The following REST variants were observed in gnomAD, a reference collection of about 807,000 sequenced individuals.
REST encodes the protein RE1 silencing transcription factor, also known as RE1-silencing transcription factor.
REST carries 1 observed loss-of-function variant against 30.4 expected under a neutral mutation model. The observed-to-expected ratio is 0.03, with a 90% CI of 0.01 to 0.16. The LOEUF (loss-of-function observed/expected upper bound fraction) is 0.16, where lower values mean the gene tolerates loss of function less well. Ranked by LOEUF, REST falls within the 10% of genes least tolerant of loss-of-function variation. REST has a pLI of 1.00. For synonymous variants in REST, 504 were observed against 451.1 expected (o/e 1.12, Z -1.49); for missense variants, 1,259 against 1,329.5 (o/e 0.95, Z 0.82).
At chr4:56,927,509 C>G (rs571430669) in intron 3 of REST, 1 of 310,396 alleles carries the variant, frequency 3.2e-6, no homozygotes, top group Non-Finnish European at 4.9e-6. Context: ...CTGAGTTTTG[C>G]TTTATGAAAA....
At position 56,931,139 on chromosome 4, in the gene REST, G is replaced by T. The variant is rs1042548096; in HGVS notation, c.2281G>T (p.Val761Phe). Residue 761 changes from valine (V) to phenylalanine (F), a missense_variant, in exon 4 of 4, where the codon GTT becomes TTT. Physicochemically the swap from Val to Phe is conservative, Grantham distance 50. Coordinates refer to ENST00000309042, the MANE Select transcript of REST (RefSeq NM_005612.5). ...PPMEVVQKEP[V>F]KIELSPPIEV... ...CATGGAGGTGGTCCAGAAGGAACCT[G>T]TTAAGATAGAGCTGTCTCCTCCCAT... The T allele has an allele frequency of 5.6e-6, 9 of 1,604,612 alleles. No individual in the cohort carries two copies. The highest frequency in any genetic ancestry group is 7.7e-6 in the Non-Finnish European group (9 of 1,173,104).
At chr4:56,915,554 A>G (rs1398918747) in intron 2 of REST, among the ~76,000 whole-genome samples, 1 of 152,120 alleles carries the variant, frequency 6.6e-6, no homozygotes, top group Non-Finnish European at 1.5e-5. Context: ...GGCCTTTATT[A>G]CATTTTAAAA....
rs1382268615 is a variant in REST, at chr4:56,931,103, C to T, written c.2245C>T (p.Leu749=). The T allele has an allele frequency of 6.3e-7, 1 of 1,595,038 alleles. No individual in the cohort carries two copies. Among genetic ancestry groups the T allele is most frequent in the African/African-American group, 1.3e-5 (1 of 74,212 alleles). ...CCAGAAGGAGCCTGTTCAGATAGAG[C>T]TGTCTCCTCCCATGGAGGTGGTCCA... ...VVQKEPVQIE[L]SPPMEVVQKE... The change falls in exon 4 of 4, where the codon CTG becomes TTG. Residue 749 remains leucine (L), a synonymous_variant. Coordinates refer to ENST00000309042, the MANE Select transcript of REST (RefSeq NM_005612.5).
At chr4:56,913,335 T>A (rs1385212583) in intron 2 of REST, among the ~76,000 whole-genome samples, 1 of 152,186 alleles carries the variant, frequency 6.6e-6, no homozygotes, top group African/African-American at 2.4e-5. Flanking sequence ...TTTTTAAAAT[T>A]TAAATTGGGT....
In REST at chr4:56,935,166, C is replaced by T. The variant is rs553117287; in HGVS notation, c.*3014C>T. 31 of 152,072 alleles carry T rather than the reference C, an allele frequency of 2.0e-4. No individual in the cohort carries two copies. The highest frequency in any genetic ancestry group is 1.4e-3 in the Admixed American group (21 of 15,268). 9.4% of individuals were successfully genotyped at this position (152,072 alleles called of 1,614,324 possible). A position where few individuals can be genotyped will look rare whatever the true frequency, so the allele number is the denominator to read the frequency against. Reference sequence around the variant, plus strand: ...TATGAGTGCTGATACAAATTAAAACCCAAGTAGACCTCATTGCATGTCACC... The same window carrying T: ...TATGAGTGCTGATACAAATTAAAACTCAAGTAGACCTCATTGCATGTCACC... On this transcript the variant is annotated 3_prime_UTR_variant, in exon 4 of 4. Transcript: ENST00000309042.
In REST at chr4:56,932,200, A is replaced by C; in HGVS notation, c.*48A>C. 1 of 1,520,566 alleles carries C rather than the reference A, an allele frequency of 6.6e-7. No homozygotes were observed. Among genetic ancestry groups the C allele is most frequent in the Non-Finnish European group, 8.8e-7 (1 of 1,133,624 alleles). The allele number at this position is 1,520,566 out of a possible 1,614,324, so 94.2% of individuals were successfully genotyped here. On this transcript the variant is annotated 3_prime_UTR_variant, in exon 4 of 4. Coordinates refer to ENST00000309042, the MANE Select transcript of REST (RefSeq NM_005612.5). ...GTTCTTAGTTTGTAAGGTATATTAC[A>C]TTTTATATTCATTTATGATAGCAGA...
At chr4:56,922,627 A>G (rs1187150556) in intron 3 of REST, among the ~76,000 whole-genome samples, 1 of 152,164 alleles carries the variant, frequency 6.6e-6, no homozygotes, top group Non-Finnish European at 1.5e-5. Context: ...GCTTTATATT[A>G]GTTAACTAGT....
In REST at chr4:56,911,469, A is replaced by T. The variant is rs1719907057; in HGVS notation, c.831A>T (p.Thr277=). 4 of 1,613,974 alleles carry T rather than the reference A, an allele frequency of 2.5e-6. No homozygotes were observed. In the African/African-American group the frequency reaches 4.0e-5, roughly 16 times the overall value. ...LRNHFPRKVY[T]CGKCNYFSDR... ...ACCATTTTCCAAGGAAAGTATACAC[A>T]TGTGGAAAATGCAACTATTTTTCAG... Residue 277 remains threonine (T), a synonymous_variant, in exon 2 of 4, where the codon ACA becomes ACT. Coordinates refer to ENST00000309042, the MANE Select transcript of REST (RefSeq NM_005612.5).
chr4:56,929,294 C>T (rs1720857710), intron 3 of REST, among the ~76,000 whole-genome samples: 2 of 152,076 alleles, frequency 1.3e-5, no homozygotes, highest in African/African-American at 4.8e-5. Flanking sequence ...TGGTTTCAAA[C>T]TCCTGGCCTC....
chr4:56,920,631 G>A (rs11736192), intron 3 of REST, among the ~76,000 whole-genome samples: 13,984 of 151,738 alleles, frequency 0.092, 996 homozygotes, highest in East Asian at 0.22. Flanking sequence ...GCGTGGTGGC[G>A]CATGCCTGTA....
At chr4:56,925,652 A>G (rs1204095083) in intron 3 of REST, among the ~76,000 whole-genome samples, 2 of 152,216 alleles carry the variant, frequency 1.3e-5, no homozygotes, top group African/African-American at 4.8e-5. Context: ...AGAACCTGTT[A>G]CTAGAATTGG....
At chr4:56,928,582 ATT>A (rs879452861) in intron 3 of REST, among the ~76,000 whole-genome samples, 2 of 139,964 alleles carry the variant, frequency 1.4e-5, no homozygotes, top group African/African-American at 2.6e-5. Flanking sequence ...TGCCTGGCTA[ATT>A]TTTTTTTTTT....
chr4:56,923,282 T>C (rs898541249), intron 3 of REST, among the ~76,000 whole-genome samples: 5 of 152,184 alleles, frequency 3.3e-5, no homozygotes, highest in African/African-American at 1.2e-4. Flanking sequence ...TTGTTGTTGT[T>C]GTTTTTGGAG....
In REST at chr4:56,932,364, A is replaced by G. The variant is rs1721006407; in HGVS notation, c.*212A>G. 5.8e-6 allele frequency: 3 copies of G among 513,872 alleles called. No individual in the cohort carries two copies. Among genetic ancestry groups the G allele is most frequent in the African/African-American group, 5.8e-5 (3 of 51,826 alleles). The allele number at this position is 513,872 out of a possible 1,614,324, so 31.8% of individuals were successfully genotyped here. A position where few individuals can be genotyped will look rare whatever the true frequency, so the allele number is the denominator to read the frequency against. On this transcript the variant is annotated 3_prime_UTR_variant, in exon 4 of 4. Transcript: ENST00000309042. ...AAGAGAGTGTACTAAACCAGCAGGT[A>G]TCTGTTAGCTTATGTGTTTAATTGA...
intron 3 of REST, among the ~76,000 whole-genome samples, chr4:56,923,753 T>G (rs1295488699): frequency 1.3e-5 from 2 of 150,458 alleles, no homozygotes; most frequent in East Asian, 3.9e-4. Flanking sequence ...AGACTGAGTC[T>G]TGCTGTCGCC....
At chr4:56,919,306 T>TA (rs1679603697) in intron 2 of REST, among the ~76,000 whole-genome samples, 1 of 152,114 alleles carries the variant, frequency 6.6e-6, no homozygotes, top group Non-Finnish European at 1.5e-5. Flanking sequence ...ATAAAGCAAT[T>TA]ACATTCTCAC....
At chr4:56,924,853 C>T (rs1720612217) in intron 3 of REST, among the ~76,000 whole-genome samples, 1 of 151,962 alleles carries the variant, frequency 6.6e-6, no homozygotes, top group Non-Finnish European at 1.5e-5. Context: ...TGTATGCCGC[C>T]ATTACTTTTT....
In REST at chr4:56,932,132, G is replaced by T. The variant is rs769830765; in HGVS notation, c.3274G>T (p.Ala1092Ser). The T allele has an allele frequency of 1.9e-6, 3 of 1,609,538 alleles. No individual in the cohort carries two copies. Among genetic ancestry groups the T allele is most frequent in the South Asian group, 2.2e-5 (2 of 90,716 alleles). ...GGTTAATGTGTACTATCTTGAAGAA[G>T]CAGCTCAAGGGCAGGAGTAATGAAA... ...HLVNVYYLEEAAQGQE is the reference protein window; with the variant it reads ...HLVNVYYLEESAQGQE The change falls in exon 4 of 4, where the codon GCA becomes TCA. Residue 1092 changes from alanine (A) to serine (S), a missense_variant. By Grantham distance (99) the Ala-to-Ser change is moderately conservative. Around this residue, in one of 5 missense-constraint regions of REST, gnomAD observed 25 missense variants for 33.2 expected, o/e 0.75. Transcript: ENST00000309042.
Position 56,931,648 on chromosome 4 carries a change from G to A in REST, c.2790G>A (p.Glu930=). The A allele has an allele frequency of 6.2e-7, 1 of 1,614,228 alleles. No homozygotes were observed. ...SSSGQNLNTP[E]GETLNGKHQT... ...CTGGACAAAACTTGAATACGCCAGA[G>A]GGTGAAACTTTAAATGGTAAACATC... The change falls in exon 4 of 4, where the codon GAG becomes GAA. Residue 930 remains glutamate, a synonymous_variant. Coordinates refer to ENST00000309042, the MANE Select transcript of REST (RefSeq NM_005612.5).
Sources: gnomAD v4.1 joint callset for allele counts (sites outside exome capture counted in the v4.1 genomes callset) on GRCh38, gnomAD v4.1.1 for gene constraint, gnomAD v4.1.1 regional missense constraint, MANE v1.5 for transcripts, NCBI Gene and HGNC (gene_info 2026-07-23, HGNC 2026-07-21) for gene names.